The following UNC5D variants were observed in gnomAD, a reference collection of about 807,000 sequenced individuals.
UNC5D encodes the protein unc-5 netrin receptor D.
A neutral mutation model predicts 105.4 loss-of-function variants in UNC5D; 39 were observed. That is an observed-to-expected ratio of 0.37 (90% CI 0.29 to 0.48). The LOEUF (loss-of-function observed/expected upper bound fraction) is 0.48. Among genes scored for constraint, UNC5D ranks in the 20% least tolerant of loss-of-function variants. The pLI is 0.98. For missense variants in UNC5D, 991 were observed against 1,202.4 expected (o/e 0.82, Z 2.60); for synonymous variants, 452 against 450.4 (o/e 1.00, Z -0.04).
At chr8:35,526,504 G>C (rs552771231) in intron 1 of UNC5D, among the ~76,000 whole-genome samples, 82 of 152,306 alleles carry the variant, frequency 5.4e-4, no homozygotes, top group African/African-American at 1.9e-3. Flanking sequence ...TCTGGGATTT[G>C]TGTGGGTTAG....
intron 1 of UNC5D, among the ~76,000 whole-genome samples, chr8:35,474,096 T>C (rs763828219): frequency 3.9e-5 from 6 of 152,346 alleles, no homozygotes; most frequent in Admixed American, 6.5e-5. Context: ...AAGTTTCTAA[T>C]ACAGGACCTT....
chr8:35,604,889 C>G (rs1471990256), intron 4 of UNC5D, among the ~76,000 whole-genome samples: 1 of 152,220 alleles, frequency 6.6e-6, no homozygotes, highest in Non-Finnish European at 1.5e-5. Context: ...TGGTTTTCAG[C>G]TCCATCAGGT....
chr8:35,516,823 G>C (rs917111771), intron 1 of UNC5D, among the ~76,000 whole-genome samples: 1 of 152,122 alleles, frequency 6.6e-6, no homozygotes, highest in Non-Finnish European at 1.5e-5. Context: ...AGGAATCCCA[G>C]GTTGAACATG....
intron 1 of UNC5D, among the ~76,000 whole-genome samples, chr8:35,275,462 A>G (rs1805711536): frequency 1.3e-5 from 2 of 152,306 alleles, no homozygotes; most frequent in East Asian, 3.9e-4. Context: ...ATACAGAAGA[A>G]CATGACCTGG....
intron 1 of UNC5D, among the ~76,000 whole-genome samples, chr8:35,275,001 G>A (rs938233079): frequency 6.6e-6 from 1 of 151,872 alleles, no homozygotes; most frequent in African/African-American, 2.4e-5. Context: ...TGAGGCAGGA[G>A]AATTGCTTGA....
At chr8:35,415,810 A>G (rs540418326) in intron 1 of UNC5D, among the ~76,000 whole-genome samples, 2 of 152,250 alleles carry the variant, frequency 1.3e-5, no homozygotes, top group African/African-American at 2.4e-5. Context: ...CCTACTCTCA[A>G]TCATGTATAC....
At chr8:35,348,063 A>G (rs1420935594) in intron 1 of UNC5D, among the ~76,000 whole-genome samples, 1 of 151,966 alleles carries the variant, frequency 6.6e-6, no homozygotes, top group African/African-American at 2.4e-5. Flanking sequence ...AAGATGTATA[A>G]AGGAAAAGTT....
intron 3 of UNC5D, among the ~76,000 whole-genome samples, chr8:35,578,824 A>T (rs1025273594): frequency 3.3e-5 from 5 of 152,222 alleles, no homozygotes; most frequent in Admixed American, 6.5e-5. Context: ...GGGAACCACT[A>T]AGGCAGAAGT....
At chr8:35,647,017 T>C (rs1252477067) in intron 4 of UNC5D, among the ~76,000 whole-genome samples, 2 of 152,148 alleles carry the variant, frequency 1.3e-5, no homozygotes, top group Non-Finnish European at 2.9e-5. Flanking sequence ...AGATACAGCA[T>C]TGAGTTCAAA....
At chr8:35,410,476 C>A (rs1368133537) in intron 1 of UNC5D, among the ~76,000 whole-genome samples, 2 of 152,016 alleles carry the variant, frequency 1.3e-5, no homozygotes, top group Non-Finnish European at 2.9e-5. Context: ...TAAAAAGGTC[C>A]TCTCCCTCCT....
intron 1 of UNC5D, among the ~76,000 whole-genome samples, chr8:35,236,834 C>T (rs1159742787): frequency 6.6e-6 from 1 of 152,194 alleles, no homozygotes. Context: ...GCCTTCCCGC[C>T]CTTCTTTCCC....
intron 4 of UNC5D, among the ~76,000 whole-genome samples, chr8:35,656,286 G>A (rs1339413883): frequency 6.6e-6 from 1 of 152,112 alleles, no homozygotes; most frequent in Admixed American, 6.6e-5. Context: ...AGCAACTTCA[G>A]TGCAAAGGGT....
intron 1 of UNC5D, among the ~76,000 whole-genome samples, chr8:35,494,818 A>G (rs998855381): frequency 1.4e-4 from 22 of 152,260 alleles, no homozygotes; most frequent in African/African-American, 5.1e-4. Flanking sequence ...TTTTAATTCT[A>G]TCGTGTGAAA....
intron 1 of UNC5D, among the ~76,000 whole-genome samples, chr8:35,408,299 A>T (rs1164963937): frequency 6.6e-6 from 1 of 151,960 alleles, no homozygotes; most frequent in East Asian, 1.9e-4. Context: ...TGCTCCTGAA[A>T]GTTCTTTTCT....
chr8:35,434,226 A>G (rs913487366), intron 1 of UNC5D, among the ~76,000 whole-genome samples: 1 of 152,108 alleles, frequency 6.6e-6, no homozygotes, highest in Admixed American at 6.6e-5. Context: ...TTTACGTATC[A>G]GCTCATGTAT....
At chr8:35,715,941 G>C (rs905261534) in intron 8 of UNC5D, among the ~76,000 whole-genome samples, 12 of 152,198 alleles carry the variant, frequency 7.9e-5, no homozygotes, top group Admixed American at 3.3e-4. Context: ...ACAAAGTTCA[G>C]AGCAGCTGTT....
intron 1 of UNC5D, chr8:35,525,911 A>C: frequency 1.4e-6 from 1 of 709,374 alleles, no homozygotes; most frequent in Non-Finnish European, 2.3e-6. Context: ...CCTGCACTGG[A>C]GTGTTCATAA....
chr8:35,379,120 A>G (rs770859522), intron 1 of UNC5D, among the ~76,000 whole-genome samples: 1 of 152,186 alleles, frequency 6.6e-6, no homozygotes, highest in Non-Finnish European at 1.5e-5. Flanking sequence ...TAGGACTGCT[A>G]ACATTAGAGT....
At chr8:35,676,838 C>T (rs375009808) in intron 4 of UNC5D, among the ~76,000 whole-genome samples, 10 of 151,408 alleles carry the variant, frequency 6.6e-5, no homozygotes, top group South Asian at 2.1e-4. Flanking sequence ...CACCAGGGGT[C>T]GGAAGTCTGG....
Sources: allele counts gnomAD v4.1 joint callset (sites outside exome capture counted in the v4.1 genomes callset), GRCh38; gene constraint gnomAD v4.1.1; transcripts MANE v1.5; gene names NCBI Gene and HGNC (gene_info 2026-07-23, HGNC 2026-07-21).